YTHDF3: variants seen among roughly 807,000 people sequenced by gnomAD.
YTHDF3 encodes the protein YTH N6-methyladenosine RNA binding protein F3, also known as YTH domain-containing family protein 3.
A neutral mutation model predicts 52.5 loss-of-function variants in YTHDF3; 9 were observed. The ratio of observed to expected loss-of-function variants is 0.17; its 90% CI spans 0.10 to 0.30. YTHDF3 has a LOEUF of 0.30. YTHDF3 is among the 10% of genes least tolerant of loss of function. The pLI is 1.00. For missense variants in YTHDF3, 534 were observed against 715.0 expected (o/e 0.75, Z 2.89); for synonymous variants, 274 against 243.3 (o/e 1.13, Z -1.18).
chr8:63,194,309 C>T (rs530784290), intron 4 of YTHDF3, among the ~76,000 whole-genome samples: 29 of 151,820 alleles, frequency 1.9e-4, no homozygotes, highest in African/African-American at 6.3e-4. Context: ...CATGTTGAAA[C>T]CCCTTTTCTA....
chr8:63,184,174 C>A (rs2130069062), intron 3 of YTHDF3, among the ~76,000 whole-genome samples: 1 of 152,258 alleles, frequency 6.6e-6, no homozygotes, highest in South Asian at 2.1e-4. Context: ...AAACAAATAA[C>A]AATACAACAA....
At chr8:63,168,557 A>C, upstream of YTHDF3, 11 of 475,980 alleles carry the variant, frequency 2.3e-5, no homozygotes, top group Admixed American at 3.8e-5. Flanking sequence ...TGGGGGAGGA[A>C]GAGCGAGGTG....
At chr8:63,192,006 A>G (rs950475733) in intron 4 of YTHDF3, among the ~76,000 whole-genome samples, 3 of 152,222 alleles carry the variant, frequency 2.0e-5, no homozygotes, top group Non-Finnish European at 4.4e-5. Context: ...AAATCATACA[A>G]TAAAATTCAC....
At chr8:63,169,273 T>C in intron 1 of YTHDF3, 114 bp from the exon 2 acceptor site, 5 of 1,416,414 alleles carry the variant, frequency 3.5e-6, no homozygotes, top group Non-Finnish European at 4.8e-6. Context: ...GGTGGGTTTT[T>C]ACTCCTACGC....
chr8:63,191,279 AAT>A (rs1171628990), intron 4 of YTHDF3, among the ~76,000 whole-genome samples: 2 of 152,238 alleles, frequency 1.3e-5, no homozygotes, highest in East Asian at 3.9e-4. Context: ...AATGTCAACA[AAT>A]ATGTTGAATC....
rs1345387518 is a variant in YTHDF3, at chr8:63,211,286, G to A, written c.*1580G>A. 1 of 152,438 alleles carries A rather than the reference G, an allele frequency of 6.6e-6. No homozygotes were observed. The allele number at this position is 152,438 out of a possible 1,614,324, so 9.4% of individuals were successfully genotyped here. The stretch of plus-strand genomic sequence containing the variant: ...ACTACACAGTTCTTCGGTAGTCCCA[G>A]TGTAGTTATATCAGTGTTTACTGAA... On this transcript the variant is annotated 3_prime_UTR_variant, in exon 5 of 5. Transcript: ENST00000539294.
chr8:63,191,477 G>C (rs1044397635), intron 4 of YTHDF3, among the ~76,000 whole-genome samples: 4 of 151,978 alleles, frequency 2.6e-5, no homozygotes, highest in Non-Finnish European at 5.9e-5. Flanking sequence ...TCTTAACTCT[G>C]TTTTCTTAAT....
intron 3 of YTHDF3, 22 bp from the exon 4 acceptor site, chr8:63,186,125 A>G: frequency 6.3e-7 from 1 of 1,581,692 alleles, no homozygotes; most frequent in Non-Finnish European, 8.6e-7. Context: ...TTCGCTACTG[A>G]TTGTGATATT....
chr8:63,179,542 C>T (rs1430498045), intron 3 of YTHDF3, among the ~76,000 whole-genome samples: 1 of 152,118 alleles, frequency 6.6e-6, no homozygotes. Context: ...GGGGTAAGGT[C>T]ACAGATCAAC....
chr8:63,187,734 G>A lies in YTHDF3; in HGVS notation c.1723G>A (p.Ala575Thr). Residue 575 changes from alanine (A) to threonine (T), a missense_variant, in exon 4 of 5, where the codon GCC becomes ACC. Around this residue, in one of 3 missense-constraint regions of YTHDF3, gnomAD observed 135 missense variants for 214.2 expected, o/e 0.63. Transcript: ENST00000539294. The part of the protein sequence containing the change: ...HYEKRQEEEE[A>T]MRRERNRNKQ ...TGAAAAGCGTCAAGAAGAGGAGGAAGCCATGCGTAGGGTAAGAATATAGTA... is the reference window on the plus strand; with the variant it reads ...TGAAAAGCGTCAAGAAGAGGAGGAAACCATGCGTAGGGTAAGAATATAGTA... The A allele has an allele frequency of 6.2e-7, 1 of 1,605,774 alleles. No individual in the cohort carries two copies. Among genetic ancestry groups the A allele is most frequent in the Non-Finnish European group, 8.5e-7 (1 of 1,175,978 alleles).
At chr8:63,205,261 G>T (rs1413894941) in intron 4 of YTHDF3, among the ~76,000 whole-genome samples, 1 of 151,796 alleles carries the variant, frequency 6.6e-6, no homozygotes, top group Non-Finnish European at 1.5e-5. Context: ...TCCTTCTCCG[G>T]GTGTATGGGA....
At chr8:63,204,388 T>G (rs1809851968) in intron 4 of YTHDF3, among the ~76,000 whole-genome samples, 1 of 145,396 alleles carries the variant, frequency 6.9e-6, no homozygotes, top group South Asian at 2.2e-4. Flanking sequence ...TGAGACGGAG[T>G]TTTGCTCTTG....
chr8:63,195,233 T>C (rs533852124), intron 4 of YTHDF3, among the ~76,000 whole-genome samples: 2 of 152,304 alleles, frequency 1.3e-5, no homozygotes, highest in Admixed American at 1.3e-4. Flanking sequence ...AATTTTGATA[T>C]ATTTGAGTAA....
rs561670271 is a variant in YTHDF3, at chr8:63,179,475, T to C, written c.135+4059T>C. Among the ~76,000 whole-genome samples the C allele has an allele frequency of 8.1e-3, 1,234 of 152,244 alleles. 23 individuals carry two copies. Among genetic ancestry groups the C allele is most frequent in the African/African-American group, 0.029 (1,185 of 41,504 alleles). On this transcript the variant is annotated intron_variant, in intron 3 of 4. Transcript: ENST00000539294. ...TTTAACAAAGCACATCTTGCACCGC[T>C]CTTAATCCATTCAACCCTGAGTGGA...
intron 1 of YTHDF3, 122 bp from the exon 2 acceptor site, chr8:63,169,265 T>A (rs1389163935): frequency 7.3e-7 from 1 of 1,363,902 alleles, no homozygotes; most frequent in Non-Finnish European, 1.0e-6. Flanking sequence ...GAGGATATGG[T>A]GGGTTTTTAC....
At chr8:63,196,503 A>C (rs1410704590) in intron 4 of YTHDF3, among the ~76,000 whole-genome samples, 1 of 151,786 alleles carries the variant, frequency 6.6e-6, no homozygotes, top group Admixed American at 6.6e-5. Flanking sequence ...CGGAAGTTGC[A>C]GTGAGCCAAG....
At chr8:63,174,020 A>G (rs1807521547) in intron 2 of YTHDF3, among the ~76,000 whole-genome samples, 1 of 152,136 alleles carries the variant, frequency 6.6e-6, no homozygotes, top group Non-Finnish European at 1.5e-5. Flanking sequence ...GATTTTGTAT[A>G]TCTTTGCTCC....
chr8:63,201,238 G>A (rs976922472), intron 4 of YTHDF3, among the ~76,000 whole-genome samples: 2 of 152,144 alleles, frequency 1.3e-5, no homozygotes, highest in African/African-American at 4.8e-5. Context: ...TTTATATAGA[G>A]ATTTACAGCT....
chr8:63,174,173 G>A (rs145951046), intron 2 of YTHDF3, among the ~76,000 whole-genome samples: 1 of 152,266 alleles, frequency 6.6e-6, no homozygotes, highest in African/African-American at 2.4e-5. Flanking sequence ...TGGTGATGTT[G>A]TACCTTTGAG....
Sources: gnomAD v4.1 joint callset for allele counts (sites outside exome capture counted in the v4.1 genomes callset) on GRCh38, gnomAD v4.1.1 for gene constraint, gnomAD v4.1.1 regional missense constraint, MANE v1.5 for transcripts, NCBI Gene and HGNC (gene_info 2026-07-23, HGNC 2026-07-21) for gene names.